MINDY4: variants seen among roughly 807,000 people sequenced by gnomAD.
The protein encoded by MINDY4 is MINDY lysine 48 deubiquitinase 4.
A neutral mutation model predicts 87.0 loss-of-function variants in MINDY4; 68 were observed. The observed-to-expected ratio is 0.78, with a 90% CI of 0.64 to 0.96. The LOEUF (loss-of-function observed/expected upper bound fraction) is 0.96, where lower values mean the gene tolerates loss of function less well. MINDY4 is among the 40% of genes least tolerant of loss of function. MINDY4 has a pLI of 0.00. For synonymous variants in MINDY4, 379 were observed against 363.2 expected, an observed-to-expected ratio of 1.04 and a Z score of -0.50; for missense variants, 919 against 928.2, an observed-to-expected ratio of 0.99 and a Z score of 0.13.
intron 5 of MINDY4, among the ~76,000 whole-genome samples, chr7:30,817,483 G>T (rs1039455459): frequency 1.3e-5 from 2 of 150,452 alleles, no homozygotes; most frequent in African/African-American, 4.9e-5. Flanking sequence ...CAGCAGTTCA[G>T]TCATTCATGA....
chr7:30,875,644 C>T lies in MINDY4; in HGVS notation c.1959C>T (p.Tyr653=), dbSNP rs1790235585. Residue 653 remains tyrosine, a synonymous_variant, in exon 15 of 18, where the codon TAC becomes TAT. Coordinates refer to ENST00000265299, the MANE Select transcript of MINDY4 (RefSeq NM_032222.3). ...DIGFLSLFEH[Y]NMCQVGCFLK... ...GCTTCTTATCTCTCTTTGAGCATTA[C>T]AACATGTGCCAGGTACCCAGATGCT... 1 of 1,608,584 alleles carries T rather than the reference C, an allele frequency of 6.2e-7. No homozygotes were observed. The highest frequency in any genetic ancestry group is 1.1e-5 in the South Asian group (1 of 90,644).
chr7:30,881,009 C>T (rs1194635030), intron 15 of MINDY4, among the ~76,000 whole-genome samples: 2 of 152,168 alleles, frequency 1.3e-5, no homozygotes, highest in Non-Finnish European at 2.9e-5. Flanking sequence ...AAAAAGTATG[C>T]CCTTCTCCCC....
intron 5 of MINDY4, among the ~76,000 whole-genome samples, chr7:30,812,493 A>T (rs1788034367): frequency 1.3e-5 from 2 of 152,078 alleles, no homozygotes; most frequent in African/African-American, 4.8e-5. Flanking sequence ...ATCTCTGGGT[A>T]ATGATCATAA....
intron 6 of MINDY4, 120 bp from the exon 7 acceptor site, chr7:30,836,538 G>A: frequency 1.2e-6 from 1 of 817,886 alleles, no homozygotes. Flanking sequence ...ATGCGGGGAG[G>A]AACCCTCCTT....
chr7:30,793,194 T>C (rs1345673859), intron 5 of MINDY4, among the ~76,000 whole-genome samples: 3 of 149,974 alleles, frequency 2.0e-5, no homozygotes, highest in Non-Finnish European at 3.0e-5. Context: ...ATGATTGCAA[T>C]CCTTTGATAT....
intron 5 of MINDY4, among the ~76,000 whole-genome samples, chr7:30,812,278 GGGGGTAT>G (rs1343372524): frequency 1.0e-5 from 1 of 96,852 alleles, no homozygotes; most frequent in East Asian, 2.5e-4. Context: ...TTGAGGGGGG[GGGGGTAT>G]GTATGTATGC....
intron 9 of MINDY4, among the ~76,000 whole-genome samples, chr7:30,846,644 C>A (rs938546318): frequency 6.6e-6 from 1 of 152,020 alleles, no homozygotes; most frequent in Admixed American, 6.5e-5. Context: ...TCTGTGGGTG[C>A]AGGTTCTCAC....
chr7:30,786,930 G>A (rs757092029), intron 4 of MINDY4, among the ~76,000 whole-genome samples: 1 of 152,168 alleles, frequency 6.6e-6, no homozygotes, highest in Non-Finnish European at 1.5e-5. Flanking sequence ...TCAAAGTGCC[G>A]TATCAGTCAA....
intron 6 of MINDY4, among the ~76,000 whole-genome samples, chr7:30,830,331 C>T (rs1342860363): frequency 6.6e-6 from 1 of 152,104 alleles, no homozygotes; most frequent in Non-Finnish European, 1.5e-5. Context: ...GAAGCAGATG[C>T]CCAGCAGTGC....
intron 4 of MINDY4, among the ~76,000 whole-genome samples, chr7:30,788,415 G>A (rs1033586726): frequency 9.9e-5 from 15 of 152,234 alleles, no homozygotes; most frequent in African/African-American, 3.6e-4. Flanking sequence ...GAAAATATTG[G>A]TTAGTGAGTT....
intron 6 of MINDY4, among the ~76,000 whole-genome samples, chr7:30,833,627 G>T (rs1476210953): frequency 1.3e-5 from 2 of 151,960 alleles, no homozygotes; most frequent in African/African-American, 4.8e-5. Flanking sequence ...GTCCCCCAAA[G>T]TCTTAACTCA....
chr7:30,786,831 G>A (rs531497181), intron 4 of MINDY4, among the ~76,000 whole-genome samples: 1 of 151,944 alleles, frequency 6.6e-6, no homozygotes, highest in African/African-American at 2.4e-5. Context: ...AATTCCATTA[G>A]GCAGAGAGAC....
At chr7:30,828,862 T>A in intron 6 of MINDY4, 125 bp downstream of exon 6, 1 of 805,714 alleles carries the variant, frequency 1.2e-6, no homozygotes, top group Non-Finnish European at 2.1e-6. Flanking sequence ...GTGGGGCTGG[T>A]CAAGTGAGTA....
intron 11 of MINDY4, among the ~76,000 whole-genome samples, chr7:30,852,743 G>A (rs1397552599): frequency 6.6e-6 from 1 of 152,200 alleles, no homozygotes; most frequent in Admixed American, 6.5e-5. Flanking sequence ...AATAATGGAA[G>A]ACATACATTT....
chr7:30,862,475 CCCGGCACCT>C (rs1395187513), intron 13 of MINDY4, among the ~76,000 whole-genome samples: 5 of 152,242 alleles, frequency 3.3e-5, no homozygotes. Context: ...CTCCCTGCAT[CCCGGCACCT>C]CCAGCCTTGG....
intron 14 of MINDY4, among the ~76,000 whole-genome samples, 154 bp downstream of exon 14, chr7:30,872,460 T>C (rs1221833043): frequency 2.0e-5 from 3 of 152,216 alleles, no homozygotes; most frequent in African/African-American, 7.2e-5. Context: ...CCACCTCTGC[T>C]GGGTTTCACT....
rs567259662 is a variant in MINDY4, at chr7:30,887,190, A to T, written c.2225+4197A>T. Among the ~76,000 whole-genome samples the T allele has an allele frequency of 2.0e-5, 3 of 152,190 alleles. No individual in the cohort carries two copies. In the East Asian group the frequency reaches 5.8e-4, roughly 29 times the overall value. On this transcript the variant is annotated intron_variant, in intron 17 of 17. Coordinates refer to ENST00000265299, the MANE Select transcript of MINDY4 (RefSeq NM_032222.3). ...AGCTTCCATGCTGACCATTTTGCCC[A>T]GGCTCCCTGTCCACAGTGCCTCCCA...
At chr7:30,832,702 G>A (rs938961716) in intron 6 of MINDY4, among the ~76,000 whole-genome samples, 26 of 152,112 alleles carry the variant, frequency 1.7e-4, no homozygotes, top group African/African-American at 6.0e-4. Context: ...TAGAGATGGG[G>A]TTTCGCCATG....
At chr7:30,821,217 T>C (rs1160066775) in intron 5 of MINDY4, among the ~76,000 whole-genome samples, 1 of 152,216 alleles carries the variant, frequency 6.6e-6, no homozygotes, top group Non-Finnish European at 1.5e-5. Flanking sequence ...GTTTTTATTG[T>C]CGGTTCTCAT....
Sources: allele counts gnomAD v4.1 joint callset (sites outside exome capture counted in the v4.1 genomes callset), GRCh38; gene constraint gnomAD v4.1.1; transcripts MANE v1.5; gene names NCBI Gene and HGNC (gene_info 2026-07-23, HGNC 2026-07-21).